CAP2: variants seen among roughly 807,000 people sequenced by gnomAD.
The protein encoded by CAP2 is cyclase associated actin cytoskeleton regulatory protein 2, also known as adenylyl cyclase-associated protein 2.
A neutral mutation model predicts 57.7 loss-of-function variants in CAP2; 24 were observed. The observed-to-expected ratio is 0.42, with a 90% confidence interval of 0.30 to 0.58. The LOEUF is 0.58. Ranked by LOEUF, CAP2 falls within the 20% of genes least tolerant of loss-of-function variation. The pLI is 0.22. For synonymous variants in CAP2, 194 were observed against 207.2 expected (o/e 0.94, Z 0.55); for missense variants, 501 against 590.3 (o/e 0.85, Z 1.57).
chr6:17,481,326 G>A (rs1360725716), intron 4 of CAP2, among the ~76,000 whole-genome samples: 3 of 152,006 alleles, frequency 2.0e-5, no homozygotes, highest in Non-Finnish European at 2.9e-5. Context: ...CTTGGCCAAA[G>A]GATAACCTTA....
At chr6:17,539,609 G>A (rs1308923306) in intron 8 of CAP2, 151 bp downstream of exon 8, 2 of 645,156 alleles carry the variant, frequency 3.1e-6, no homozygotes, top group Non-Finnish European at 5.3e-6. Flanking sequence ...GAAGACAGGA[G>A]CCTGCCATGT....
chr6:17,527,909 T>G (rs1762549009), intron 7 of CAP2, among the ~76,000 whole-genome samples: 1 of 152,198 alleles, frequency 6.6e-6, no homozygotes, highest in Non-Finnish European at 1.5e-5. Flanking sequence ...GGCCATGTGT[T>G]CATTATATTC....
intron 7 of CAP2, among the ~76,000 whole-genome samples, chr6:17,522,071 G>A (rs954337269): frequency 2.6e-5 from 4 of 151,882 alleles, no homozygotes; most frequent in Admixed American, 2.6e-4. Flanking sequence ...ATTGCACCAC[G>A]GGACTCTAGC....
chr6:17,417,518 A>G (rs950535795), intron 1 of CAP2, among the ~76,000 whole-genome samples: 1 of 151,744 alleles, frequency 6.6e-6, no homozygotes, highest in East Asian at 1.9e-4. Flanking sequence ...CCAGCGATCC[A>G]CCCGCCTCTG....
At chr6:17,410,340 TGCTGAGAGTG>T (rs1382975935) in intron 1 of CAP2, among the ~76,000 whole-genome samples, 14 of 152,304 alleles carry the variant, frequency 9.2e-5, no homozygotes, top group Admixed American at 7.2e-4. Context: ...GCATCAGTAT[TGCTGAGAGTG>T]GGGCCCAGGA....
chr6:17,394,254 C>G (rs1051948809), intron 1 of CAP2, among the ~76,000 whole-genome samples: 1 of 152,048 alleles, frequency 6.6e-6, no homozygotes, highest in African/African-American at 2.4e-5. Flanking sequence ...TTCCCCTCTG[C>G]AGAACCTGAC....
At chr6:17,464,424 G>T (rs1188063032) in intron 4 of CAP2, among the ~76,000 whole-genome samples, 5 of 152,158 alleles carry the variant, frequency 3.3e-5, no homozygotes, top group Admixed American at 3.3e-4. Context: ...ACCTTCAGGG[G>T]ATGACACTCA....
At chr6:17,517,033 G>T (rs901044908) in intron 7 of CAP2, among the ~76,000 whole-genome samples, 1 of 152,202 alleles carries the variant, frequency 6.6e-6, no homozygotes, top group Non-Finnish European at 1.5e-5. Context: ...TGTGGATATG[G>T]ATGGGTGTTT....
chr6:17,518,282 T>A (rs1051815638), intron 7 of CAP2, among the ~76,000 whole-genome samples: 4 of 152,334 alleles, frequency 2.6e-5, no homozygotes, highest in Admixed American at 1.3e-4. Flanking sequence ...AAAATCAAAT[T>A]TCTTTTAAAT....
At chr6:17,469,904 C>T (rs1760973810) in intron 4 of CAP2, among the ~76,000 whole-genome samples, 1 of 152,082 alleles carries the variant, frequency 6.6e-6, no homozygotes, top group Non-Finnish European at 1.5e-5. Context: ...ATAATTTGTT[C>T]ACATTAAACT....
chr6:17,476,863 T>A (rs1489147898), intron 4 of CAP2, among the ~76,000 whole-genome samples: 1 of 129,460 alleles, frequency 7.7e-6, no homozygotes, highest in African/African-American at 2.9e-5. Flanking sequence ...TTTTCTTACT[T>A]CTTTTTTTTT....
At chr6:17,450,495 A>T (rs910047004) in intron 3 of CAP2, among the ~76,000 whole-genome samples, 1 of 152,222 alleles carries the variant, frequency 6.6e-6, no homozygotes, top group South Asian at 2.1e-4. Context: ...AATGTATGAT[A>T]GAAGATTCTA....
intron 1 of CAP2, among the ~76,000 whole-genome samples, chr6:17,402,678 T>C (rs771637729): frequency 6.6e-5 from 10 of 152,214 alleles, no homozygotes; most frequent in Admixed American, 2.6e-4. Context: ...GCTTAATACA[T>C]GTAAAACTGG....
intron 4 of CAP2, among the ~76,000 whole-genome samples, chr6:17,470,644 A>G (rs762425788): frequency 6.6e-6 from 1 of 152,190 alleles, no homozygotes; most frequent in Non-Finnish European, 1.5e-5. Context: ...GAAATGGCCT[A>G]TGTCACCTCA....
At chr6:17,531,502 C>G in intron 7 of CAP2, 2 of 1,488,122 alleles carry the variant, frequency 1.3e-6, no homozygotes, top group Non-Finnish European at 1.9e-6. Flanking sequence ...TAAGCTTCTT[C>G]CTTGCCTTTC....
intron 1 of CAP2, among the ~76,000 whole-genome samples, chr6:17,416,080 A>G (rs1236896144): frequency 2.0e-5 from 3 of 151,386 alleles, no homozygotes; most frequent in Non-Finnish European, 4.4e-5. Context: ...ATGTGTAAAT[A>G]TGTTCAGAGG....
chr6:17,500,141 T>G (rs1324998812), intron 4 of CAP2, among the ~76,000 whole-genome samples: 1 of 150,364 alleles, frequency 6.7e-6, no homozygotes, highest in Non-Finnish European at 1.5e-5. Context: ...CTCCAAAATG[T>G]TCCTGGACAG....
intron 3 of CAP2, among the ~76,000 whole-genome samples, chr6:17,459,875 A>G (rs1760677458): frequency 6.6e-6 from 1 of 152,204 alleles, no homozygotes; most frequent in Admixed American, 6.5e-5. Context: ...AGACATTCAA[A>G]TATTCTACAC....
chr6:17,544,123 T>TG (rs1762979723), intron 11 of CAP2, among the ~76,000 whole-genome samples: 1 of 37,184 alleles, frequency 2.7e-5, no homozygotes, highest in Admixed American at 3.6e-4. Flanking sequence ...AGACTCTGTC[T>TG]CAAAAAAAAA....
Sources: allele counts gnomAD v4.1 joint callset (sites outside exome capture counted in the v4.1 genomes callset), GRCh38; gene constraint gnomAD v4.1.1; transcripts MANE v1.5; gene names NCBI Gene and HGNC (gene_info 2026-07-23, HGNC 2026-07-21).